Variants in ZNF536 observed in about 807,000 individuals in gnomAD.
The protein encoded by ZNF536 is zinc finger protein 536.
In ZNF536, 13 loss-of-function variants were observed where a neutral mutation model predicts 84.5. That is an observed-to-expected ratio of 0.15 (90% CI 0.10 to 0.24). The LOEUF is 0.24. Among genes scored for constraint, ZNF536 ranks in the 10% least tolerant of loss-of-function variants. ZNF536 has a pLI of 1.00. For synonymous variants in ZNF536, 811 were observed against 742.5 expected (o/e 1.09, Z -1.50); for missense variants, 1,536 against 1,747.5 (o/e 0.88, Z 2.16).
rs143242180 is a variant in ZNF536, at chr19:30,316,186, G to A, written c.-120+32045G>A. On this transcript the variant is annotated intron_variant, in intron 2 of 5. Transcript: ENST00000585628. ...TATATATTCTAATTCTTTAATAGAC[G>A]CCACCAAATTTCCTTCCAAGTAATG... 9.7e-4 allele frequency among the ~76,000 whole-genome samples: 147 copies of A among 152,242 alleles called. No homozygotes were observed. In the South Asian group the frequency reaches 0.021, roughly 22 times the overall value.
intron 1 of ZNF536, among the ~76,000 whole-genome samples, chr19:30,231,167 A>C (rs976808096): frequency 1.3e-5 from 2 of 152,224 alleles, no homozygotes; most frequent in African/African-American, 2.4e-5. Context: ...ATGCAAATTT[A>C]AAAACAAGTG....
intron 1 of ZNF536, among the ~76,000 whole-genome samples, chr19:30,417,914 AT>A (rs200132704): frequency 1.3e-5 from 2 of 151,086 alleles, no homozygotes; most frequent in Admixed American, 6.6e-5. Context: ...ATGCCCAGCA[AT>A]TTTTTTTTCT....
intron 1 of ZNF536, among the ~76,000 whole-genome samples, chr19:30,590,736 G>T (rs1465811596): frequency 2.6e-5 from 4 of 152,196 alleles, no homozygotes; most frequent in Non-Finnish European, 4.4e-5. Flanking sequence ...TCTGGGGCCA[G>T]TTCCTCCAGC....
chr19:30,312,642 G>A (rs915198893), intron 2 of ZNF536, among the ~76,000 whole-genome samples: 2 of 152,192 alleles, frequency 1.3e-5, no homozygotes, highest in Non-Finnish European at 2.9e-5. Context: ...TGCATGGGGG[G>A]ACCAGGTGTC....
chr19:30,531,524 C>G (rs953586278), intron 2 of ZNF536, among the ~76,000 whole-genome samples: 1 of 151,718 alleles, frequency 6.6e-6, no homozygotes, highest in Admixed American at 6.6e-5. Context: ...GAGGTTTGAA[C>G]TTCTAATGAT....
In ZNF536 at chr19:30,263,881, TACAC is replaced by T. The variant is rs35687647; in HGVS notation, c.-189-20172_-189-20169del. Among the ~76,000 whole-genome samples the T allele has an allele frequency of 7.0e-3, 1,031 of 148,008 alleles. 28 individuals carry two copies. Among genetic ancestry groups the T allele is most frequent in the Admixed American group, 0.051 (752 of 14,844 alleles). ...TGAAATTTAAACACACACACACACA[TACAC>T]ACACACACACACACACACCCTACAC... On this transcript the variant is annotated intron_variant, in intron 1 of 5. Transcript: ENST00000585628.
chr19:30,428,561 T>C (rs1030588441), intron 1 of ZNF536, among the ~76,000 whole-genome samples: 1 of 152,096 alleles, frequency 6.6e-6, no homozygotes, highest in African/African-American at 2.4e-5. Context: ...TGCTGAAGGC[T>C]GCTTGCAGCT....
chr19:30,347,520 T>C (rs989983938), intron 2 of ZNF536, among the ~76,000 whole-genome samples: 2 of 152,180 alleles, frequency 1.3e-5, no homozygotes, highest in Non-Finnish European at 2.9e-5. Flanking sequence ...TGAGCCAAGC[T>C]CTTTCATTTA....
intron 1 of ZNF536, among the ~76,000 whole-genome samples, chr19:30,602,187 CACATCTGCTCATGTGATGGA>C (rs1384917779): frequency 1.3e-5 from 2 of 152,248 alleles, no homozygotes; most frequent in Admixed American, 6.5e-5. Context: ...GGTGGATATT[CACATCTGCTCATGTGATGGA>C]ACATCTGCTC....
chr19:30,445,467 C>T lies in ZNF536; in HGVS notation c.1905C>T (p.Asp635=), dbSNP rs2148225841. The T allele has an allele frequency of 1.2e-6, 2 of 1,614,180 alleles. No homozygotes were observed. The highest frequency in any genetic ancestry group is 1.7e-6 in the Non-Finnish European group (2 of 1,180,042). Residue 635 remains aspartate, a synonymous_variant, in exon 2 of 5, where the codon GAC becomes GAT. Transcript: ENST00000355537. The surrounding 1 kb of genome is among the most constrained non-coding windows in gnomAD (Gnocchi z 4.5). ...NMKEKPTECP[D]CGRVFRTYHQ... Reference sequence around the variant, plus strand: ...AGGAGAAGCCCACCGAGTGCCCCGACTGCGGCCGGGTGTTCCGCACTTACC... The same window carrying T: ...AGGAGAAGCCCACCGAGTGCCCCGATTGCGGCCGGGTGTTCCGCACTTACC...
intron 2 of ZNF536, among the ~76,000 whole-genome samples, chr19:30,297,417 G>T (rs980948717): frequency 1.3e-5 from 2 of 151,944 alleles, no homozygotes; most frequent in Non-Finnish European, 2.9e-5. Flanking sequence ...ACTTCTTTTT[G>T]AACCCTTGAA....
At chr19:30,425,867 A>G (rs2051191879) in intron 1 of ZNF536, among the ~76,000 whole-genome samples, 1 of 152,250 alleles carries the variant, frequency 6.6e-6, no homozygotes, top group African/African-American at 2.4e-5. Flanking sequence ...TGTGGTGGGC[A>G]TGGATGCAAG....
At chr19:30,612,334 T>G (rs977287270) in intron 1 of ZNF536, among the ~76,000 whole-genome samples, 11 of 152,148 alleles carry the variant, frequency 7.2e-5, no homozygotes, top group Non-Finnish European at 1.6e-4. Flanking sequence ...TCAGGCAAGC[T>G]CTCAAGCACT....
intron 1 of ZNF536, among the ~76,000 whole-genome samples, chr19:30,570,456 C>T (rs2046506078): frequency 6.6e-6 from 1 of 152,154 alleles, no homozygotes; most frequent in Non-Finnish European, 1.5e-5. Flanking sequence ...AGCAAGCCCA[C>T]GTTGTTATTG....
At chr19:30,701,572 C>A (rs2051984517) in intron 1 of ZNF536, among the ~76,000 whole-genome samples, 1 of 152,124 alleles carries the variant, frequency 6.6e-6, no homozygotes, top group African/African-American at 2.4e-5. Flanking sequence ...CACACACATA[C>A]ACATGGTACA....
chr19:30,273,366 A>G (rs114050327), intron 1 of ZNF536, among the ~76,000 whole-genome samples: 120 of 152,250 alleles, frequency 7.9e-4, no homozygotes, highest in African/African-American at 2.7e-3. Context: ...AGTGAATGAG[A>G]GTTCCTGTTG....
intron 1 of ZNF536, among the ~76,000 whole-genome samples, chr19:30,420,344 G>A (rs1005925932): frequency 2.0e-5 from 3 of 152,100 alleles, no homozygotes; most frequent in Non-Finnish European, 4.4e-5. Context: ...ACCCCGATCC[G>A]CAGTGCGGTG....
chr19:30,617,356 T>TTTTTTTTTTTTG (rs2048335610), intron 1 of ZNF536, among the ~76,000 whole-genome samples: 1 of 95,336 alleles, frequency 1.0e-5, no homozygotes. Context: ...TTTTTTTTTT[T>TTTTTTTTTTTTG]TTTTTTTTTT....
chr19:30,690,736 C>G (rs1253304138), intron 1 of ZNF536, among the ~76,000 whole-genome samples: 3 of 152,128 alleles, frequency 2.0e-5, no homozygotes, highest in African/African-American at 7.2e-5. Flanking sequence ...CCTCAGTTTT[C>G]CCGTCTGTAA....
Sources: allele counts gnomAD v4.1 joint callset (sites outside exome capture counted in the v4.1 genomes callset), GRCh38; gene constraint gnomAD v4.1.1; non-coding constraint Gnocchi (gnomAD v3.1); transcripts MANE v1.5; gene names NCBI Gene and HGNC (gene_info 2026-07-23, HGNC 2026-07-21).